PRMT2: variants seen among roughly 807,000 people sequenced by gnomAD.
The protein encoded by PRMT2 is protein arginine N-methyltransferase 2.
A neutral mutation model predicts 57.6 loss-of-function variants in PRMT2; 26 were observed. The observed-to-expected ratio is 0.45, with a 90% CI of 0.33 to 0.63. The LOEUF is 0.63. Among genes scored for constraint, PRMT2 ranks in the 20% least tolerant of loss-of-function variants. The probability of loss-of-function intolerance (pLI) is 0.02; values close to 1 mark genes in which losing one functional copy is unlikely to be tolerated. For synonymous variants in PRMT2, 219 were observed against 220.0 expected (o/e 1.00, Z 0.04); for missense variants, 472 against 564.4 (o/e 0.84, Z 1.66).
At position 46,661,843 on chromosome 21, in the gene PRMT2, C is replaced by G; in HGVS notation, c.1004C>G (p.Thr335Ser). 1 of 1,511,468 alleles carries G rather than the reference C, an allele frequency of 6.6e-7. No homozygotes were observed. Among genetic ancestry groups the G allele is most frequent in the Non-Finnish European group, 8.9e-7 (1 of 1,125,136 alleles). 93.6% of individuals were successfully genotyped at this position (1,511,468 alleles called of 1,614,324 possible). A position where few individuals can be genotyped will look rare whatever the true frequency, so the allele number is the denominator to read the frequency against. ...ELRFDIRKAG[T>S]LHGFTAWFSV... Reference sequence around the variant, plus strand: ...CGCTTCGACATCAGGAAGGCGGGGACCCTGCACGGCTTCACGGCCTGGTTT... The same window carrying G: ...CGCTTCGACATCAGGAAGGCGGGGAGCCTGCACGGCTTCACGGCCTGGTTT... The change falls in exon 10 of 12, where the codon ACC becomes AGC. Residue 335 changes from threonine to serine, a missense_variant. Thr to Ser is a moderately conservative substitution (Grantham distance 58). Around this residue, in one of 2 missense-constraint regions of PRMT2, gnomAD observed 229 missense variants for 217.2 expected, o/e 1.05. Coordinates refer to ENST00000355680, the MANE Select transcript of PRMT2 (RefSeq NM_206962.4).
intron 10 of PRMT2, among the ~76,000 whole-genome samples, chr21:46,662,150 C>T (rs921162025): frequency 2.0e-5 from 3 of 152,028 alleles, no homozygotes; most frequent in African/African-American, 4.8e-5. Context: ...CGGGTCTCGC[C>T]ACCACTCTGG....
intron 8 of PRMT2, 136 bp downstream of exon 8, chr21:46,659,056 C>T: frequency 6.9e-7 from 1 of 1,442,114 alleles, no homozygotes; most frequent in Non-Finnish European, 9.1e-7. Context: ...ATAGGACAAT[C>T]TGTTGTAGCA....
chr21:46,655,560 G>A (rs888734722), intron 7 of PRMT2, among the ~76,000 whole-genome samples: 7 of 152,000 alleles, frequency 4.6e-5, no homozygotes, highest in Non-Finnish European at 8.8e-5. Flanking sequence ...CATGACATAG[G>A]ACATCTACAA....
At position 46,648,657 on chromosome 21, in the gene PRMT2, C is replaced by T. The variant is rs377705276; in HGVS notation, c.489+38C>T. The T allele has an allele frequency of 2.4e-4, 383 of 1,601,772 alleles. 1 individual carries two copies. Among genetic ancestry groups the T allele is most frequent in the Non-Finnish European group, 3.0e-4 (350 of 1,170,846 alleles). ...TCGAGCGCATCCCGGGTGTTTGTGCCGAGGCTGGTGACGTCCGAGGTGGCC... is the reference window on the plus strand; with the variant it reads ...TCGAGCGCATCCCGGGTGTTTGTGCTGAGGCTGGTGACGTCCGAGGTGGCC... On this transcript the variant is annotated intron_variant, in intron 6 of 11. Transcript: ENST00000355680. The surrounding 1 kb of genome is among the most constrained non-coding windows in gnomAD (Gnocchi z 4.8).
intron 3 of PRMT2, among the ~76,000 whole-genome samples, chr21:46,641,990 CAAAG>C (rs1801592031): frequency 1.3e-5 from 2 of 152,110 alleles, no homozygotes. Context: ...CCTAACCACA[CAAAG>C]AGAGGGAAAT....
intron 8 of PRMT2, among the ~76,000 whole-genome samples, chr21:46,660,624 G>A (rs1208625897): frequency 1.3e-5 from 2 of 152,158 alleles, no homozygotes; most frequent in African/African-American, 4.8e-5. Flanking sequence ...GTCTCTGGAT[G>A]CCTGGGTAGA....
At chr21:46,646,496 C>T (rs932155305) in intron 5 of PRMT2, among the ~76,000 whole-genome samples, 2 of 152,168 alleles carry the variant, frequency 1.3e-5, no homozygotes, top group Admixed American at 6.5e-5. Flanking sequence ...CAGGTCTTCA[C>T]CTTGCTCTTT....
rs764505051 is a variant in PRMT2, at chr21:46,658,941, C to A, written c.830+21C>A. On this transcript the variant is annotated intron_variant, in intron 8 of 11. Transcript: ENST00000355680. The stretch of plus-strand genomic sequence containing the variant: ...CTGAAGTAAGTGTCCACAGCTGGGA[C>A]TGGCACCGTCTTGTGGGGCCTCCTG... 3 of 1,602,112 alleles carry A rather than the reference C, an allele frequency of 1.9e-6. No homozygotes were observed. The South Asian group carries it at 3.3e-5, about 18-fold the overall frequency.
At position 46,661,887 on chromosome 21, in the gene PRMT2, C is replaced by T. The variant is rs143873814; in HGVS notation, c.1048C>T (p.Leu350=). 29 of 1,489,114 alleles carry T rather than the reference C, an allele frequency of 1.9e-5. No individual in the cohort carries two copies. The African/African-American group carries it at 3.8e-4, about 19-fold the overall frequency. The allele number at this position is 1,489,114 out of a possible 1,614,324, so 92.2% of individuals were successfully genotyped here. A position where few individuals can be genotyped will look rare whatever the true frequency, so the allele number is the denominator to read the frequency against. The change falls in exon 10 of 12, where the codon CTG becomes TTG. Residue 350 remains leucine, a synonymous_variant. Transcript: ENST00000355680. ...TAWFSVHFQS[L]QEGQPPQVLS... ...CTGGTTTAGCGTCCACTTCCAGAGC[C>T]TGCAGGAGGGGCAGCCGCCGCAGGT...
intron 7 of PRMT2, chr21:46,658,340 A>C (rs2148997818): frequency 5.9e-6 from 1 of 169,410 alleles, no homozygotes; most frequent in African/African-American, 2.4e-5. Context: ...AGTCCACTTA[A>C]AGGGTGTGAA....
In PRMT2 at chr21:46,659,168, C is replaced by T. The variant is rs8133194; in HGVS notation, c.830+248C>T. On this transcript the variant is annotated intron_variant, in intron 8 of 11. Transcript: ENST00000355680. ...TTCGTATGTGAAAAAGGTGGCATTA[C>T]GATTAGGAGGGAGTGAGGGCCAAGT... The T allele has an allele frequency of 7.4e-5, 91 of 1,232,718 alleles. No individual in the cohort carries two copies. In the African/African-American group the frequency reaches 1.1e-3, roughly 15 times the overall value. 76.4% of individuals were successfully genotyped at this position (1,232,718 alleles called of 1,614,324 possible). A position where few individuals can be genotyped will look rare whatever the true frequency, so the allele number is the denominator to read the frequency against.
intron 8 of PRMT2, 34 bp downstream of exon 8, chr21:46,658,954 G>T (rs1007198561): frequency 6.3e-7 from 1 of 1,594,740 alleles, no homozygotes. Context: ...GCACCGTCTT[G>T]TGGGGCCTCC....
intron 4 of PRMT2, 60 bp downstream of exon 4, chr21:46,643,699 A>C: frequency 1.3e-6 from 2 of 1,526,716 alleles, no homozygotes; most frequent in Non-Finnish European, 1.8e-6. Flanking sequence ...TCAAAAGGAG[A>C]TAAATTTTGC....
At position 46,664,371 on chromosome 21, in the gene PRMT2, G is replaced by T; in HGVS notation, c.*44G>T. On this transcript the variant is annotated 3_prime_UTR_variant, in exon 12 of 12. Coordinates refer to ENST00000355680, the MANE Select transcript of PRMT2 (RefSeq NM_206962.4). The stretch of plus-strand genomic sequence containing the variant: ...GAAAGCAGTGTGCATATCTTGAGGG[G>T]TGATGAACACAAGCAAACCAAGTTG... 6.2e-7 allele frequency: 1 copy of T among 1,613,710 alleles called. No individual in the cohort carries two copies.
chr21:46,638,019 A>G (rs1018035406), intron 3 of PRMT2, among the ~76,000 whole-genome samples: 4 of 152,104 alleles, frequency 2.6e-5, no homozygotes, highest in Admixed American at 6.6e-5. Context: ...TCTCAGTCCT[A>G]TTCCTCCTCT....
chr21:46,643,508 C>G lies in PRMT2; in HGVS notation c.40-27C>G, dbSNP rs144395313. 9.2e-5 allele frequency: 138 copies of G among 1,496,076 alleles called. No homozygotes were observed. The African/African-American group carries it at 1.9e-3, about 20-fold the overall frequency. The allele number at this position is 1,496,076 out of a possible 1,614,324, so 92.7% of individuals were successfully genotyped here. ...AAAAAAAAAAGCTCCAGCGTCCTCT[C>G]CTCACGCTTTCCTTGGCTTTGAGCA... On this transcript the variant is annotated intron_variant, in intron 3 of 11. Coordinates refer to ENST00000355680, the MANE Select transcript of PRMT2 (RefSeq NM_206962.4).
chr21:46,662,184 C>T (rs2061639173), intron 10 of PRMT2, among the ~76,000 whole-genome samples: 1 of 152,174 alleles, frequency 6.6e-6, no homozygotes, highest in African/African-American at 2.4e-5. Flanking sequence ...GTCCCTCCGA[C>T]AACAGCCCCA....
At position 46,644,376 on chromosome 21, in the gene PRMT2, G is replaced by A. The variant is rs770525653; in HGVS notation, c.215G>A (p.Arg72His). 36 of 1,612,212 alleles carry A rather than the reference G, an allele frequency of 2.2e-5. No individual in the cohort carries two copies. Among genetic ancestry groups the A allele is most frequent in the South Asian group, 1.5e-4 (14 of 90,746 alleles). The change falls in exon 5 of 12, where the codon CGT becomes CAT. Residue 72 changes from arginine to histidine, a missense_variant. Coordinates refer to ENST00000355680, the MANE Select transcript of PRMT2 (RefSeq NM_206962.4). ...QTTADWWWGE[R>H]AGCCGYIPAN... ...ACTGCAGATTGGTGGTGGGGTGAGCGTGCGGGCTGCTGTGGGTACATTCCG... is the reference window on the plus strand; with the variant it reads ...ACTGCAGATTGGTGGTGGGGTGAGCATGCGGGCTGCTGTGGGTACATTCCG...
chr21:46,645,391 A>C (rs1460781737), intron 5 of PRMT2, among the ~76,000 whole-genome samples: 2 of 152,266 alleles, frequency 1.3e-5, no homozygotes, highest in African/African-American at 4.8e-5. Context: ...ACTTGAAGCC[A>C]GGAGTTCAAG....
Sources: gnomAD v4.1 joint callset for allele counts (sites outside exome capture counted in the v4.1 genomes callset) on GRCh38, gnomAD v4.1.1 for gene constraint, gnomAD v4.1.1 regional missense constraint, Gnocchi (gnomAD v3.1) non-coding constraint, MANE v1.5 for transcripts, NCBI Gene and HGNC (gene_info 2026-07-23, HGNC 2026-07-21) for gene names.